Variants in TLE3 observed in about 807,000 individuals in gnomAD.
TLE3 encodes TLE family member 3, transcriptional corepressor.
TLE3 carries 14 observed loss-of-function variants against 93.0 expected under a neutral mutation model. That is an observed-to-expected ratio of 0.15 (90% confidence interval 0.10 to 0.24). TLE3 has a LOEUF of 0.24. Among genes scored for constraint, TLE3 ranks in the 10% least tolerant of loss-of-function variants. The probability of loss-of-function intolerance (pLI) is 1.00; values close to 1 mark genes in which losing one functional copy is unlikely to be tolerated. For missense variants in TLE3, 693 were observed against 1,046.6 expected (o/e 0.66, Z 4.66); for synonymous variants, 451 against 425.0 (o/e 1.06, Z -0.75).
Position 70,057,494 on chromosome 15 carries a change from C to T in TLE3, c.1216G>A (p.Ala406Thr), listed in dbSNP as rs17854166. The T allele has an allele frequency of 6.2e-7, 1 of 1,608,310 alleles. No homozygotes were observed. Among genetic ancestry groups the T allele is most frequent in the East Asian group, 2.2e-5 (1 of 44,654 alleles). The change falls in exon 13 of 20, where the codon GCC becomes ACC. Residue 406 changes from alanine to threonine, a missense_variant. Physicochemically the swap from Ala to Thr is moderately conservative, Grantham distance 58. Coordinates refer to ENST00000451782, the MANE Select transcript of TLE3 (RefSeq NM_001105192.3). ...MSAAAAAAAA[A>T]YGRSPMVSFG... The stretch of plus-strand genomic sequence containing the variant: ...CTCACCATTGGCGATCGGCCATAGG[C>T]AGCGGCTGCAGCAGCGGCGGCGGCG...
At chr15:70,076,227 T>G in intron 4 of TLE3, 69 bp from the exon 5 acceptor site, 2 of 1,459,376 alleles carry the variant, frequency 1.4e-6, no homozygotes, top group Non-Finnish European at 1.9e-6. Flanking sequence ...CATAGGCAAG[T>G]GGAAATGCAA....
At chr15:70,093,709 G>C (rs2058411138) in intron 4 of TLE3, among the ~76,000 whole-genome samples, 1 of 152,222 alleles carries the variant, frequency 6.6e-6, no homozygotes, top group African/African-American at 2.4e-5. Context: ...GATATGCACT[G>C]AGATAAAGGG....
At chr15:70,060,418 T>C (rs978722967) in intron 9 of TLE3, 112 bp downstream of exon 9, 4 of 1,439,386 alleles carry the variant, frequency 2.8e-6, no homozygotes, top group Non-Finnish European at 3.8e-6. Context: ...AACCTGTGCT[T>C]CTCTGACTCA....
At position 70,053,095 on chromosome 15, in the gene TLE3, G is replaced by A. The variant is rs117190908; in HGVS notation, c.1974+132C>T. The A allele has an allele frequency of 2.1e-3, 2,466 of 1,197,434 alleles. 6 individuals carry two copies. Among genetic ancestry groups the A allele is most frequent in the Middle Eastern group, 4.7e-3 (16 of 3,414 alleles). The allele number at this position is 1,197,434 out of a possible 1,614,324, so 74.2% of individuals were successfully genotyped here. A position where few individuals can be genotyped will look rare whatever the true frequency, so the allele number is the denominator to read the frequency against. The stretch of plus-strand genomic sequence containing the variant: ...TTCCTCCAGGAAGCCTTCCCAGATG[G>A]CTCAGGTTGGTCCCAAGTCTCTTGG... On this transcript the variant is annotated intron_variant, in intron 17 of 19. Transcript: ENST00000451782.
chr15:70,057,748 C>A (rs565098265), intron 12 of TLE3, 90 bp from the exon 13 acceptor site: 1 of 1,450,634 alleles, frequency 6.9e-7, no homozygotes, highest in African/African-American at 1.4e-5. Context: ...TCCCTGCATT[C>A]TTAAGCTGCC....
intron 8 of TLE3, among the ~76,000 whole-genome samples, chr15:70,062,623 G>C (rs977957690): frequency 2.6e-5 from 4 of 152,140 alleles, no homozygotes. Context: ...CCACTAATTG[G>C]ACTCCAGACT....
At chr15:70,057,119 C>A (rs1372696464) in intron 13 of TLE3, among the ~76,000 whole-genome samples, 1 of 152,222 alleles carries the variant, frequency 6.6e-6, no homozygotes, top group Non-Finnish European at 1.5e-5. Context: ...TACGAGACCC[C>A]TGCTCCATGG....
At chr15:70,054,871 G>T in intron 15 of TLE3, 178 bp downstream of exon 15, 3 of 1,218,582 alleles carry the variant, frequency 2.5e-6, no homozygotes, top group South Asian at 1.6e-5. Flanking sequence ...ATACCAGGAG[G>T]TCAGAATCAG....
At chr15:70,073,488 A>G (rs2057289226) in intron 6 of TLE3, among the ~76,000 whole-genome samples, 1 of 152,226 alleles carries the variant, frequency 6.6e-6, no homozygotes. Flanking sequence ...CCAGAATGTT[A>G]GAGTTGAATC....
At chr15:70,066,755 G>C (rs187687154) in intron 6 of TLE3, 1 of 171,172 alleles carries the variant, frequency 5.8e-6, no homozygotes, top group Non-Finnish European at 1.3e-5. Flanking sequence ...CCCAGAGCCA[G>C]ATGAGCTGGG....
intron 6 of TLE3, among the ~76,000 whole-genome samples, chr15:70,071,536 G>A (rs1208847247): frequency 6.6e-6 from 1 of 152,092 alleles, no homozygotes; most frequent in African/African-American, 2.4e-5. Context: ...GCCCATGCCG[G>A]AGGTATCTGA....
chr15:70,078,367 A>T (rs1266640669), intron 4 of TLE3, among the ~76,000 whole-genome samples: 1 of 152,198 alleles, frequency 6.6e-6, no homozygotes, highest in East Asian at 1.9e-4. Context: ...CCAAATAAGA[A>T]TAGAAAGATA....
chr15:70,082,854 C>G (rs1270695531), intron 4 of TLE3, among the ~76,000 whole-genome samples: 1 of 152,204 alleles, frequency 6.6e-6, no homozygotes, highest in Non-Finnish European at 1.5e-5. Flanking sequence ...CCAGCTAGGA[C>G]CGATCAACGG....
At chr15:70,056,447 C>T (rs1221050680) in intron 13 of TLE3, 73 bp from the exon 14 acceptor site, 136 of 1,433,004 alleles carry the variant, frequency 9.5e-5, no homozygotes, top group Non-Finnish European at 8.3e-5. Flanking sequence ...CCTCCACCAC[C>T]CACCCGGGGT....
chr15:70,054,806 G>C, intron 15 of TLE3, 121 bp from the exon 16 acceptor site: 4 of 1,359,282 alleles, frequency 2.9e-6, no homozygotes, highest in Non-Finnish European at 3.9e-6. Context: ...CCTATACCCA[G>C]CAGCTGCCAG....
Position 70,060,669 on chromosome 15 carries a change from T to C in TLE3, c.595-20A>G. 2 of 1,612,828 alleles carry C rather than the reference T, an allele frequency of 1.2e-6. No homozygotes were observed. The highest frequency in any genetic ancestry group is 1.7e-6 in the Non-Finnish European group (2 of 1,179,438). ...GTTATTCTGGAAGGAAAAAGAGGGT[T>C]CGGGGTTAAAACTTTCTGCTGCGTG... On this transcript the variant is annotated intron_variant, in intron 8 of 19. Coordinates refer to ENST00000451782, the MANE Select transcript of TLE3 (RefSeq NM_001105192.3).
intron 1 of TLE3, chr15:70,096,573 C>A: frequency 1.3e-6 from 2 of 1,507,060 alleles, no homozygotes; most frequent in Non-Finnish European, 1.8e-6. Context: ...CCCTGGAACA[C>A]AAGCAGCCCC....
At chr15:70,052,652 G>C in intron 17 of TLE3, 128 bp from the exon 18 acceptor site, 1 of 986,770 alleles carries the variant, frequency 1.0e-6, no homozygotes, top group Admixed American at 3.2e-5. Context: ...CAATAACCCA[G>C]GAGTATGGGA....
chr15:70,052,530 G>A lies in TLE3; in HGVS notation c.1975-6C>T. 1.9e-6 allele frequency: 3 copies of A among 1,612,162 alleles called. No homozygotes were observed. The African/African-American group carries it at 4.0e-5, about 21-fold the overall frequency. On this transcript the variant is annotated splice_polypyrimidine_tract_variant and splice_region_variant and intron_variant, in intron 17 of 19. Coordinates refer to ENST00000451782, the MANE Select transcript of TLE3 (RefSeq NM_001105192.3). ...CAGTAGCCCAGCGAGAAGATCTGCA[G>A]GTGGTGGGAGGGCAGATGGACTGAG... is the stretch of plus-strand genomic sequence containing the variant.
Sources: allele counts gnomAD v4.1 joint callset (sites outside exome capture counted in the v4.1 genomes callset), GRCh38; gene constraint gnomAD v4.1.1; transcripts MANE v1.5; gene names NCBI Gene and HGNC (gene_info 2026-07-23, HGNC 2026-07-21).